The following NR1H4 variants were observed in gnomAD, a reference collection of about 807,000 sequenced individuals.
The protein encoded by NR1H4 is bile acid receptor.
In NR1H4, 23 loss-of-function variants were observed where a neutral mutation model predicts 58.5. The ratio of observed to expected loss-of-function variants is 0.39; its 90% CI spans 0.28 to 0.56. NR1H4 has a LOEUF of 0.56. NR1H4 is among the 20% of genes least tolerant of loss of function. The pLI is 0.58. For synonymous variants in NR1H4, 214 were observed against 198.0 expected, an observed-to-expected ratio of 1.08 and a Z score of -0.68; for missense variants, 487 against 576.9, an observed-to-expected ratio of 0.84 and a Z score of 1.60.
At chr12:100,474,993 G>A (rs959643723) in intron 1 of NR1H4, among the ~76,000 whole-genome samples, 2 of 152,170 alleles carry the variant, frequency 1.3e-5, no homozygotes, top group African/African-American at 4.8e-5. Context: ...TTTTGGAGGT[G>A]ATGGATAGGT....
At chr12:100,548,449 G>C (rs1263089395) in intron 9 of NR1H4, among the ~76,000 whole-genome samples, 1 of 151,774 alleles carries the variant, frequency 6.6e-6, no homozygotes, top group African/African-American at 2.4e-5. Context: ...CTTCAGAACA[G>C]GCAAGGCTTT....
At chr12:100,518,329 G>A (rs1479227888) in intron 4 of NR1H4, among the ~76,000 whole-genome samples, 4 of 152,214 alleles carry the variant, frequency 2.6e-5, no homozygotes, top group African/African-American at 7.2e-5. Context: ...ACAAGGAAGT[G>A]CAGGATCACA....
intron 3 of NR1H4, among the ~76,000 whole-genome samples, chr12:100,504,222 C>T (rs1323667823): frequency 6.6e-6 from 1 of 152,104 alleles, no homozygotes; most frequent in Non-Finnish European, 1.5e-5. Context: ...AATTAAAACA[C>T]AGTATAATGT....
At chr12:100,529,309 G>C (rs982682882) in intron 4 of NR1H4, among the ~76,000 whole-genome samples, 1 of 151,944 alleles carries the variant, frequency 6.6e-6, no homozygotes, top group East Asian at 1.9e-4. Context: ...TTTAGTTCAG[G>C]CATTGGTAGC....
At chr12:100,544,120 C>T (rs1215192465) in intron 9 of NR1H4, among the ~76,000 whole-genome samples, 3 of 151,904 alleles carry the variant, frequency 2.0e-5, no homozygotes, top group African/African-American at 7.2e-5. Context: ...GGCGTGGTGG[C>T]GGGTGCCTGT....
In NR1H4 at chr12:100,561,576, GT is replaced by G. The variant is rs755574752; in HGVS notation, c.1079-304del. ...TAAATCCCATCTGGAAAATGGAGACGTTTTTGAGATTCTTTTGGCAATTCAA... is the reference window on the plus strand; with the variant it reads ...TAAATCCCATCTGGAAAATGGAGACGTTTTGAGATTCTTTTGGCAATTCAA... On this transcript the variant is annotated intron_variant, in intron 9 of 10. Transcript: ENST00000392986. Among the ~76,000 whole-genome samples, 5 of 152,242 alleles carry G rather than the reference GT, an allele frequency of 3.3e-5. No homozygotes were observed. The South Asian group carries it at 8.3e-4, about 25-fold the overall frequency.
At chr12:100,512,188 A>G (rs970879527) in intron 4 of NR1H4, among the ~76,000 whole-genome samples, 2 of 152,110 alleles carry the variant, frequency 1.3e-5, no homozygotes, top group Non-Finnish European at 2.9e-5. Context: ...AGCCGTGATC[A>G]TGCCACTGCA....
intron 9 of NR1H4, among the ~76,000 whole-genome samples, chr12:100,551,939 G>C (rs1400840295): frequency 6.6e-6 from 1 of 152,150 alleles, no homozygotes; most frequent in African/African-American, 2.4e-5. Flanking sequence ...TTGCTTCACT[G>C]TATTGTTTAG....
intron 1 of NR1H4, among the ~76,000 whole-genome samples, chr12:100,480,289 G>C (rs1953351255): frequency 6.6e-6 from 1 of 152,138 alleles, no homozygotes; most frequent in Non-Finnish European, 1.5e-5. Context: ...ACTATGTCTA[G>C]TGTCTGTCAA....
At chr12:100,484,168 T>C (rs945070893) in intron 1 of NR1H4, among the ~76,000 whole-genome samples, 1 of 152,110 alleles carries the variant, frequency 6.6e-6, no homozygotes, top group Non-Finnish European at 1.5e-5. Flanking sequence ...TTTGAGACAA[T>C]GTCACCAAGG....
At chr12:100,548,692 A>G (rs2136282290) in intron 9 of NR1H4, among the ~76,000 whole-genome samples, 1 of 152,260 alleles carries the variant, frequency 6.6e-6, no homozygotes, top group African/African-American at 2.4e-5. Context: ...CTTCTATGGG[A>G]TAGGTACACT....
intron 3 of NR1H4, among the ~76,000 whole-genome samples, chr12:100,498,085 G>C (rs533984251): frequency 6.6e-6 from 1 of 152,284 alleles, no homozygotes; most frequent in East Asian, 1.9e-4. Flanking sequence ...CTGAACTTCA[G>C]TTTTTACCCA....
At chr12:100,541,808 G>C (rs113858314) in intron 9 of NR1H4, among the ~76,000 whole-genome samples, 1 of 151,576 alleles carries the variant, frequency 6.6e-6, no homozygotes, top group Non-Finnish European at 1.5e-5. Context: ...TGTTGGCCAG[G>C]CTGGTCTTGG....
chr12:100,555,515 A>C lies in NR1H4; in HGVS notation c.1079-6370A>C, dbSNP rs1005871262. Reference sequence around the variant, plus strand: ...GACAAAAGTTCACACGTTTAATCTAAGACTTAAGATGAACTGAAATTAAGA... The same window carrying C: ...GACAAAAGTTCACACGTTTAATCTACGACTTAAGATGAACTGAAATTAAGA... On this transcript the variant is annotated intron_variant, in intron 9 of 10. Coordinates refer to ENST00000392986, the MANE Select transcript of NR1H4 (RefSeq NM_001206979.2). Among the ~76,000 whole-genome samples, 9 of 152,306 alleles carry C rather than the reference A, an allele frequency of 5.9e-5. No individual in the cohort carries two copies. In the East Asian group the frequency reaches 1.3e-3, roughly 23 times the overall value.
At chr12:100,492,688 G>A (rs368174532) in intron 2 of NR1H4, 51 bp downstream of exon 2, 3 of 152,044 alleles carry the variant, frequency 2.0e-5, no homozygotes, top group East Asian at 1.9e-4. Flanking sequence ...AAAAAGCCCC[G>A]GATCAATACA....
Position 100,563,582 on chromosome 12 carries a change from T to G in NR1H4, c.*93T>G, listed in dbSNP as rs2136333519. 1.0e-6 allele frequency: 1 copy of G among 972,062 alleles called. No homozygotes were observed. The highest frequency in any genetic ancestry group is 1.8e-5 in the Admixed American group (1 of 56,986). 60.2% of individuals were successfully genotyped at this position (972,062 alleles called of 1,614,324 possible). A position where few individuals can be genotyped will look rare whatever the true frequency, so the allele number is the denominator to read the frequency against. ...TTATTTCACTTGTACCCAGTTTCAC[T>G]CAAGAAATCTTGATGAATATTTATG... On this transcript the variant is annotated 3_prime_UTR_variant, in exon 11 of 11. Transcript: ENST00000392986.
intron 9 of NR1H4, among the ~76,000 whole-genome samples, chr12:100,542,549 C>G (rs11110415): frequency 6.6e-6 from 1 of 152,084 alleles, no homozygotes; most frequent in African/African-American, 2.4e-5. Context: ...CTTATTTTCC[C>G]GAGAGATTTC....
chr12:100,508,399 A>T (rs1230309991), intron 3 of NR1H4, among the ~76,000 whole-genome samples: 2 of 152,140 alleles, frequency 1.3e-5, no homozygotes, highest in Non-Finnish European at 2.9e-5. Flanking sequence ...GCGGAGGCCG[A>T]GAAGGGGGTA....
intron 3 of NR1H4, 73 bp downstream of exon 3, chr12:100,493,475 A>G (rs989298893): frequency 1.9e-5 from 15 of 772,612 alleles, no homozygotes; most frequent in Non-Finnish European, 3.4e-5. Context: ...AAATGCCTAG[A>G]TGATGAGTCC....
Sources: gnomAD v4.1 joint callset for allele counts (sites outside exome capture counted in the v4.1 genomes callset) on GRCh38, gnomAD v4.1.1 for gene constraint, MANE v1.5 for transcripts, NCBI Gene and HGNC (gene_info 2026-07-23, HGNC 2026-07-21) for gene names.